Variants in ABCF3 observed in about 807,000 individuals in gnomAD.
The protein encoded by ABCF3 is ATP binding cassette subfamily F member 3.
ABCF3 carries 62 observed loss-of-function variants against 94.3 expected under a neutral mutation model. The observed-to-expected ratio is 0.66, with a 90% CI of 0.54 to 0.81. The LOEUF (loss-of-function observed/expected upper bound fraction) is 0.81. ABCF3 is among the 40% of genes least tolerant of loss of function. The pLI, the probability that ABCF3 is intolerant of heterozygous loss-of-function variation, is 0.00. For synonymous variants in ABCF3, 355 were observed against 361.1 expected, an observed-to-expected ratio of 0.98 and a Z score of 0.19; for missense variants, 843 against 925.3, an observed-to-expected ratio of 0.91 and a Z score of 1.15.
intron 16 of ABCF3, among the ~76,000 whole-genome samples, chr3:184,191,706 T>C (rs1481910658): frequency 2.0e-5 from 3 of 151,440 alleles, no homozygotes; most frequent in African/African-American, 7.3e-5. Flanking sequence ...TACTCAAGTA[T>C]TGCTCACCTT....
At position 184,188,080 on chromosome 3, in the gene ABCF3, A is replaced by G. The variant is rs1267018043; in HGVS notation, c.570-61A>G. 3.3e-5 allele frequency: 53 copies of G among 1,610,910 alleles called. 1 individual carries two copies. In the East Asian group the frequency reaches 1.0e-3, roughly 31 times the overall value. ...GGCTATAAACAATGTTAGGTTTGTC[A>G]TTAAACTTGCTGTGCACCTATTTCT... On this transcript the variant is annotated intron_variant, in intron 6 of 20. Coordinates refer to ENST00000429586, the MANE Select transcript of ABCF3 (RefSeq NM_018358.3).
At chr3:184,186,303 G>T (rs978783104) in intron 1 of ABCF3, 23 bp downstream of exon 1, 1 of 1,613,838 alleles carries the variant, frequency 6.2e-7, no homozygotes, top group African/African-American at 1.3e-5. Context: ...GAATCGGCCG[G>T]CTGGGGAGAC....
rs775032010 is a variant in ABCF3 at position 184,188,743 on chromosome 3, T to A, written c.837-18T>A. 6.2e-7 allele frequency: 1 copy of A among 1,613,380 alleles called. No individual in the cohort carries two copies. The highest frequency in any genetic ancestry group is 8.5e-7 in the Non-Finnish European group (1 of 1,179,470). ...GACTGCCCCTGCTTAGGCCAATTGC[T>A]GTTTCTCCTCCCTCCAGGGCGGAGG... On this transcript the variant is annotated intron_variant, in intron 7 of 20. Coordinates refer to ENST00000429586, the MANE Select transcript of ABCF3 (RefSeq NM_018358.3).
rs143440886 is a variant in ABCF3 at position 184,188,347 on chromosome 3, G to T, written c.776G>T (p.Ser259Ile). Reference protein sequence around the residue: ...PALQSVLESDSVREDLLRRER... With the variant: ...PALQSVLESDIVREDLLRRER... ...CTGCAGAGTGTGCTGGAGAGTGACA[G>T]TGTGCGAGAGGATTTGCTACGGAGG... The change falls in exon 7 of 21, where the codon AGT (serine) becomes ATT (isoleucine). Residue 259 changes from serine (S) to isoleucine (I), a missense_variant. Ser to Ile is a moderately radical substitution (Grantham distance 142). Transcript: ENST00000429586. 2.4e-5 allele frequency: 38 copies of T among 1,613,762 alleles called. No individual in the cohort carries two copies. Among genetic ancestry groups the T allele is most frequent in the Middle Eastern group, 3.3e-4 (2 of 6,084 alleles).
chr3:184,189,476 G>A, intron 12 of ABCF3, 33 bp downstream of exon 12: 1 of 1,614,018 alleles, frequency 6.2e-7, no homozygotes, highest in Non-Finnish European at 8.5e-7. Flanking sequence ...GTGTGTTGGG[G>A]AAAGGCGGCC....
At position 184,187,531 on chromosome 3, in the gene ABCF3, G is replaced by T. The variant is rs1397879269; in HGVS notation, c.348+88G>T. 3 of 1,545,398 alleles carry T rather than the reference G, an allele frequency of 1.9e-6. No homozygotes were observed. The South Asian group carries it at 3.4e-5, about 17-fold the overall frequency. On this transcript the variant is annotated intron_variant, in intron 4 of 20. Transcript: ENST00000429586. ...TGGAGTATCTTTTGGGGGGATTTCT[G>T]ACTATGTCTTTTCCTGAGCCTTTGA...
chr3:184,188,280 C>G lies in ABCF3; in HGVS notation c.709C>G (p.Leu237Val). ...GCGGGTTCCAGCCCACATTTCCCTG[C>G]TGCACGTTGAGCAAGAGGTTGCTGG... ...SLRVPAHISL[L>V]HVEQEVAGDD... Residue 237 changes from leucine to valine, a missense_variant, in exon 7 of 21, where the codon CTG becomes GTG. Transcript: ENST00000429586. 1 of 1,614,170 alleles carries G rather than the reference C, an allele frequency of 6.2e-7. No individual in the cohort carries two copies. The highest frequency in any genetic ancestry group is 1.3e-5 in the African/African-American group (1 of 75,048).
At chr3:184,188,864 CCTT>C (rs748007389) in intron 8 of ABCF3, 23 bp downstream of exon 8, 2 of 1,614,036 alleles carry the variant, frequency 1.2e-6, no homozygotes, top group South Asian at 2.2e-5. Context: ...CCCCCTCCCT[CCTT>C]CAGATTTCCT....
At chr3:184,192,719 G>A (rs1287135885) in intron 17 of ABCF3, 30 bp downstream of exon 17, 3 of 1,609,554 alleles carry the variant, frequency 1.9e-6, no homozygotes, top group Non-Finnish European at 2.5e-6. Context: ...CTGCCCCCAT[G>A]AGCACATTTG....
Position 184,187,463 on chromosome 3 carries a change from G to C in ABCF3, c.348+20G>C. On this transcript the variant is annotated intron_variant, in intron 4 of 20. Coordinates refer to ENST00000429586, the MANE Select transcript of ABCF3 (RefSeq NM_018358.3). Reference sequence around the variant, plus strand: ...TCCTCGGTGAGGAGGAGGAAGCAAGGGAGGGGACTGTCTGTGATGGGGTTG... The same window carrying C: ...TCCTCGGTGAGGAGGAGGAAGCAAGCGAGGGGACTGTCTGTGATGGGGTTG... The C allele has an allele frequency of 6.2e-7, 1 of 1,610,628 alleles. No homozygotes were observed. The highest frequency in any genetic ancestry group is 1.1e-5 in the South Asian group (1 of 91,038).
rs754809586 is a variant in ABCF3, at chr3:184,189,433, A to G, written c.1103A>G (p.Asn368Ser). 2 of 1,614,056 alleles carry G rather than the reference A, an allele frequency of 1.2e-6. No individual in the cohort carries two copies. Among genetic ancestry groups the G allele is most frequent in the South Asian group, 2.2e-5 (2 of 91,078 alleles). The change falls in exon 12 of 21, where the codon AAT (asparagine) becomes AGT (serine). Residue 368 changes from asparagine (N) to serine (S), a missense_variant. Asn to Ser is a conservative substitution (Grantham distance 46). Coordinates refer to ENST00000429586, the MANE Select transcript of ABCF3 (RefSeq NM_018358.3). ...LDVRAILWLENYLQTWPSTIL... is the reference protein window; with the variant it reads ...LDVRAILWLESYLQTWPSTIL... ...GTCAGGGCCATCCTGTGGCTGGAGA[A>G]TTACCTGCAGGTGAGTGCCTGTGGG...
chr3:184,189,790 C>T, intron 13 of ABCF3, 33 bp downstream of exon 13: 1 of 1,614,004 alleles, frequency 6.2e-7, no homozygotes, highest in African/African-American at 1.3e-5. Flanking sequence ...GGGTCCCATC[C>T]CAGGGGTTCC....
In ABCF3 at chr3:184,187,398, C is replaced by G. The variant is rs776209326; in HGVS notation, c.303C>G (p.Asp101Glu). ...IQLSKITENY[D>E]CGTKLPGLLK... ...GACTGCTTTTCTTATCGCTTACAGA[C>G]TGTGGAACCAAACTTCCAGGACTGC... The change falls in exon 4 of 21, where the codon GAC becomes GAG. Residue 101 changes from aspartate (D) to glutamate (E), a missense_variant and splice_region_variant. Coordinates refer to ENST00000429586, the MANE Select transcript of ABCF3 (RefSeq NM_018358.3). 1.9e-6 allele frequency: 3 copies of G among 1,613,926 alleles called. No individual in the cohort carries two copies. The highest frequency in any genetic ancestry group is 3.3e-5 in the Admixed American group (2 of 60,010).
rs764915759 is a variant in ABCF3, at chr3:184,187,428, G to A, written c.333G>A (p.Lys111=). 8 of 1,613,618 alleles carry A rather than the reference G, an allele frequency of 5.0e-6. No individual in the cohort carries two copies. The highest frequency in any genetic ancestry group is 1.3e-5 in the African/African-American group (1 of 74,918). Residue 111 remains lysine, a synonymous_variant, in exon 4 of 21, where the codon AAG becomes AAA. Coordinates refer to ENST00000429586, the MANE Select transcript of ABCF3 (RefSeq NM_018358.3). ...GAACCAAACTTCCAGGACTGCTAAA[G>A]AGGGAACAGTCCTCGGTGAGGAGGA... ...DCGTKLPGLL[K]REQSSTVNAK...
chr3:184,192,747 T>C (rs1341207602), intron 17 of ABCF3, 58 bp downstream of exon 17: 1 of 1,610,112 alleles, frequency 6.2e-7, no homozygotes, highest in African/African-American at 1.3e-5. Flanking sequence ...CCATGCTGCC[T>C]GCGCTCCTTC....
rs752511727 is a variant in ABCF3, at chr3:184,186,220, G to A, written c.13G>A (p.Ala5Thr). ...TCCTGAGTGGAACATGGCGACTTGC[G>A]CCGAAATCCTGCGGAGCGAGTTCCC... MATC[A>T]EILRSEFPEI... The change falls in exon 1 of 21, where the codon GCC (alanine) becomes ACC (threonine). Residue 5 changes from alanine (A) to threonine (T), a missense_variant. Coordinates refer to ENST00000429586, the MANE Select transcript of ABCF3 (RefSeq NM_018358.3). 2.5e-6 allele frequency: 4 copies of A among 1,614,072 alleles called. No homozygotes were observed. The highest frequency in any genetic ancestry group is 3.4e-6 in the Non-Finnish European group (4 of 1,180,050).
intron 16 of ABCF3, among the ~76,000 whole-genome samples, chr3:184,191,745 G>GCCTT (rs1164407844): frequency 4.4e-5 from 2 of 45,222 alleles, no homozygotes; most frequent in African/African-American, 2.1e-4. Context: ...TAGAGTTAGA[G>GCCTT]TTCCTTTTTT....
Position 184,187,375 on chromosome 3 carries a change from C to T in ABCF3, c.302-22C>T, listed in dbSNP as rs779442251. 6 of 1,613,740 alleles carry T rather than the reference C, an allele frequency of 3.7e-6. No homozygotes were observed. The African/African-American group carries it at 5.3e-5, about 14-fold the overall frequency. On this transcript the variant is annotated intron_variant, in intron 3 of 20. Coordinates refer to ENST00000429586, the MANE Select transcript of ABCF3 (RefSeq NM_018358.3). ...TTCCCTTCCCTCAGGGAGAAGGTGA[C>T]TGCTTTTCTTATCGCTTACAGACTG...
At chr3:184,189,316 A>C in intron 11 of ABCF3, 39 bp downstream of exon 11, 1 of 1,614,182 alleles carries the variant, frequency 6.2e-7, no homozygotes, top group Non-Finnish European at 8.5e-7. Context: ...TAGGATGGGC[A>C]GGGGTGGTAG....
Sources: gnomAD v4.1 joint callset for allele counts (sites outside exome capture counted in the v4.1 genomes callset) on GRCh38, gnomAD v4.1.1 for gene constraint, MANE v1.5 for transcripts, NCBI Gene and HGNC (gene_info 2026-07-23, HGNC 2026-07-21) for gene names.